The following PLCB1 variants were observed in gnomAD, a reference collection of about 807,000 sequenced individuals.
The protein encoded by PLCB1 is 1-phosphatidylinositol 4,5-bisphosphate phosphodiesterase beta-1.
A neutral mutation model predicts 161.8 loss-of-function variants in PLCB1; 46 were observed. The observed-to-expected ratio is 0.28, with a 90% confidence interval of 0.22 to 0.36. The LOEUF is 0.36. Among genes scored for constraint, PLCB1 ranks in the 10% least tolerant of loss-of-function variants. The probability of loss-of-function intolerance (pLI) is 1.00; values close to 1 mark genes in which losing one functional copy is unlikely to be tolerated. For missense variants in PLCB1, 1,016 were observed against 1,472.5 expected (o/e 0.69, Z 5.07); for synonymous variants, 517 against 503.7 (o/e 1.03, Z -0.35).
intron 27 of PLCB1, among the ~76,000 whole-genome samples, chr20:8,780,418 A>G (rs1983157951): frequency 6.6e-6 from 1 of 151,998 alleles, no homozygotes; most frequent in Admixed American, 6.6e-5. Flanking sequence ...TTTCACAGTT[A>G]CCGTATGTGT....
At chr20:8,385,680 T>C (rs917275411) in intron 3 of PLCB1, among the ~76,000 whole-genome samples, 2 of 152,206 alleles carry the variant, frequency 1.3e-5, no homozygotes, top group African/African-American at 2.4e-5. Context: ...ATCCATGGGT[T>C]GCACAGTTCT....
At chr20:8,217,505 C>G (rs1979195011) in intron 2 of PLCB1, among the ~76,000 whole-genome samples, 1 of 152,032 alleles carries the variant, frequency 6.6e-6, no homozygotes, top group Admixed American at 6.6e-5. Flanking sequence ...AAAGGTGTAG[C>G]TGTTCAATAA....
At chr20:8,325,528 A>C (rs1985116465) in intron 2 of PLCB1, among the ~76,000 whole-genome samples, 1 of 152,176 alleles carries the variant, frequency 6.6e-6, no homozygotes, top group African/African-American at 2.4e-5. Flanking sequence ...GTGACACTTA[A>C]GTGGTACTTA....
chr20:8,278,280 T>TATATATTTATATAATATATAAATA (rs1600282493), intron 2 of PLCB1, among the ~76,000 whole-genome samples: 2 of 146,698 alleles, frequency 1.4e-5, no homozygotes, highest in South Asian at 4.2e-4. Flanking sequence ...ATTATATAAA[T>TATATATTTATATAATATATAAATA]ATATATTTAT....
At chr20:8,327,455 A>ATC (rs1466100832) in intron 2 of PLCB1, among the ~76,000 whole-genome samples, 4 of 152,224 alleles carry the variant, frequency 2.6e-5, no homozygotes, top group African/African-American at 9.6e-5. Context: ...ACTGAGACAG[A>ATC]TGCCCATGCT....
Position 8,525,330 on chromosome 20 carries a change from T to G in PLCB1, c.247-102964T>G, listed in dbSNP as rs115460882. 6.0e-3 allele frequency among the ~76,000 whole-genome samples: 910 copies of G among 152,242 alleles called. 13 individuals carry two copies. Among genetic ancestry groups the G allele is most frequent in the African/African-American group, 0.021 (879 of 41,564 alleles). ...CTTGGGAGAAAGGCATGCTATTTAT[T>G]TATAATCAGTATTAAGGATTTAGAA... On this transcript the variant is annotated intron_variant, in intron 3 of 31. Coordinates refer to ENST00000338037, the MANE Select transcript of PLCB1 (RefSeq NM_015192.4).
At chr20:8,527,545 T>C (rs1045705085) in intron 3 of PLCB1, among the ~76,000 whole-genome samples, 1 of 152,088 alleles carries the variant, frequency 6.6e-6, no homozygotes, top group African/African-American at 2.4e-5. Flanking sequence ...GTAAAGTATA[T>C]GATTTCACTT....
At chr20:8,186,179 C>G (rs2051903325) in intron 2 of PLCB1, among the ~76,000 whole-genome samples, 1 of 151,984 alleles carries the variant, frequency 6.6e-6, no homozygotes, top group Non-Finnish European at 1.5e-5. Context: ...TTTGGGTTAT[C>G]TTTTAATGTT....
chr20:8,795,140 G>A lies in PLCB1; in HGVS notation c.3423+4879G>A, dbSNP rs567921151. 7.2e-5 allele frequency among the ~76,000 whole-genome samples: 11 copies of A among 152,276 alleles called. No individual in the cohort carries two copies. The South Asian group carries it at 2.1e-3, about 29-fold the overall frequency. On this transcript the variant is annotated intron_variant, in intron 31 of 31. Coordinates refer to ENST00000338037, the MANE Select transcript of PLCB1 (RefSeq NM_015192.4). Reference sequence around the variant, plus strand: ...GCTATTTGGTAGGGGACCAAATGTGGCCAGTCACACTGGAAAAGTTTATTT... The same window carrying A: ...GCTATTTGGTAGGGGACCAAATGTGACCAGTCACACTGGAAAAGTTTATTT...
chr20:8,577,975 T>G (rs1156281469), intron 3 of PLCB1, among the ~76,000 whole-genome samples: 2 of 152,202 alleles, frequency 1.3e-5, no homozygotes, highest in African/African-American at 4.8e-5. Flanking sequence ...AAAAATTGCT[T>G]CTGTAACTAA....
At chr20:8,506,661 A>G (rs1317139247) in intron 3 of PLCB1, among the ~76,000 whole-genome samples, 1 of 152,202 alleles carries the variant, frequency 6.6e-6, no homozygotes, top group African/African-American at 2.4e-5. Context: ...GAGTTAAATA[A>G]TCAGTCCATC....
intron 4 of PLCB1, among the ~76,000 whole-genome samples, chr20:8,644,710 G>GA (rs1347884449): frequency 1.3e-5 from 2 of 149,972 alleles, no homozygotes; most frequent in Non-Finnish European, 3.0e-5. Flanking sequence ...AGGTGGGGGG[G>GA]TCAGCCCCCC....
chr20:8,830,180 G>A (rs1985914906), intron 31 of PLCB1, among the ~76,000 whole-genome samples: 1 of 152,166 alleles, frequency 6.6e-6, no homozygotes, highest in Admixed American at 6.5e-5. Flanking sequence ...CATAGGAAGG[G>A]GTTCAAGTCA....
chr20:8,135,142 A>G (rs2051333016), intron 1 of PLCB1, among the ~76,000 whole-genome samples: 1 of 152,218 alleles, frequency 6.6e-6, no homozygotes, highest in Admixed American at 6.5e-5. Flanking sequence ...AAAAAGAACC[A>G]GATCTTGAAT....
In PLCB1 at chr20:8,143,997, C is replaced by T. The variant is rs1339878941; in HGVS notation, c.100-6297C>T. On this transcript the variant is annotated intron_variant, in intron 1 of 31. Coordinates refer to ENST00000338037, the MANE Select transcript of PLCB1 (RefSeq NM_015192.4). ...TTGCAAAGCCTCCCAGTAGTGACAA[C>T]CAAAATTGTCTCCAGACATAGCCAA... is the stretch of plus-strand genomic sequence containing the variant. Among the ~76,000 whole-genome samples, 5 of 152,234 alleles carry T rather than the reference C, an allele frequency of 3.3e-5. No homozygotes were observed. In the East Asian group the frequency reaches 7.7e-4, roughly 24 times the overall value.
chr20:8,634,871 C>T (rs1018654362), intron 4 of PLCB1, among the ~76,000 whole-genome samples: 7 of 152,196 alleles, frequency 4.6e-5, no homozygotes, highest in African/African-American at 1.7e-4. Flanking sequence ...GTTCTAGCAG[C>T]TCCTAACTAC....
At chr20:8,146,657 T>C (rs1270349756) in intron 1 of PLCB1, among the ~76,000 whole-genome samples, 1 of 152,234 alleles carries the variant, frequency 6.6e-6, no homozygotes, top group Non-Finnish European at 1.5e-5. Context: ...AGTGACTCTT[T>C]TTTTTCTTGC....
rs569675700 is a variant in PLCB1, at chr20:8,476,686, G to A, written c.246+105236G>A. On this transcript the variant is annotated intron_variant, in intron 3 of 31. Transcript: ENST00000338037. ...TTTTGACTCAGTGAGTCTGGGATAG[G>A]GATTGAAATTTTCCTTTTCTTAAAA... Among the ~76,000 whole-genome samples the A allele has an allele frequency of 3.3e-5, 5 of 152,212 alleles. No homozygotes were observed. The South Asian group carries it at 1.0e-3, about 32-fold the overall frequency.
chr20:8,212,811 A>C (rs1978903193), intron 2 of PLCB1, among the ~76,000 whole-genome samples: 2 of 152,154 alleles, frequency 1.3e-5, no homozygotes, highest in South Asian at 4.1e-4. Context: ...CCCAAAGAAC[A>C]TTCTACTACA....
Sources: gnomAD v4.1 joint callset for allele counts (sites outside exome capture counted in the v4.1 genomes callset) on GRCh38, gnomAD v4.1.1 for gene constraint, MANE v1.5 for transcripts, NCBI Gene and HGNC (gene_info 2026-07-23, HGNC 2026-07-21) for gene names.